ANKH: variants seen among roughly 807,000 people sequenced by gnomAD.
The protein encoded by ANKH is ANKH inorganic pyrophosphate transport regulator, also known as mineralization regulator ANKH.
In ANKH, 15 loss-of-function variants were observed where a neutral mutation model predicts 49.0. The ratio of observed to expected loss-of-function variants is 0.31; its 90% confidence interval spans 0.20 to 0.47. The LOEUF (loss-of-function observed/expected upper bound fraction) is 0.47. Among genes scored for constraint, ANKH ranks in the 20% least tolerant of loss-of-function variants. The pLI, the probability that ANKH is intolerant of heterozygous loss-of-function variation, is 1.00. For missense variants in ANKH, 429 were observed against 652.0 expected (o/e 0.66, Z 3.72); for synonymous variants, 273 against 260.0 (o/e 1.05, Z -0.48).
rs1328356886 is a variant in ANKH, at chr5:14,771,411, T to A, written c.97-2220A>T. Among the ~76,000 whole-genome samples the A allele has an allele frequency of 3.9e-5, 6 of 152,162 alleles. No individual in the cohort carries two copies. The East Asian group carries it at 1.2e-3, about 29-fold the overall frequency. On this transcript the variant is annotated intron_variant, in intron 1 of 11. Transcript: ENST00000284268. ...AGAATGCTGACACAGCTGATCTACA[T>A]AAACTGCATGCTTTTTACAAATGGT...
chr5:14,856,533 G>A (rs971243683), intron 1 of ANKH, among the ~76,000 whole-genome samples: 24 of 152,000 alleles, frequency 1.6e-4, no homozygotes, highest in African/African-American at 4.8e-4. Flanking sequence ...CCACCATGCC[G>A]TGATCAGCTT....
At chr5:14,821,437 C>T (rs931140814) in intron 1 of ANKH, among the ~76,000 whole-genome samples, 2 of 152,132 alleles carry the variant, frequency 1.3e-5, no homozygotes, top group Non-Finnish European at 2.9e-5. Context: ...TAAAATAGTT[C>T]GTATTCCAGA....
intron 1 of ANKH, among the ~76,000 whole-genome samples, chr5:14,825,232 C>T (rs1741306649): frequency 6.6e-6 from 1 of 152,226 alleles, no homozygotes; most frequent in South Asian, 2.1e-4. Flanking sequence ...TTAAGGTACG[C>T]TGGTACACAG....
At chr5:14,826,088 G>T (rs1054285498) in intron 1 of ANKH, 2 of 154,092 alleles carry the variant, frequency 1.3e-5, no homozygotes, top group Non-Finnish European at 2.9e-5. Flanking sequence ...CCAGACTAAC[G>T]CAATGTATGC....
Position 14,798,082 on chromosome 5 carries a change from C to T in ANKH, c.97-28891G>A. 3 of 1,576,206 alleles carry T rather than the reference C, an allele frequency of 1.9e-6. No homozygotes were observed. The South Asian group carries it at 3.3e-5, about 17-fold the overall frequency. On this transcript the variant is annotated intron_variant, in intron 1 of 11. Transcript: ENST00000284268. ...ATTTTTCCACTAACTGAACCAAAAC[C>T]TCCAAATTCTCCTTTCTCTCTGTCG...
At chr5:14,793,167 G>A (rs1343193325) in intron 1 of ANKH, among the ~76,000 whole-genome samples, 2 of 147,938 alleles carry the variant, frequency 1.4e-5, no homozygotes, top group African/African-American at 5.0e-5. Context: ...ATAAAAGAGA[G>A]GTGGACACTC....
Position 14,741,826 on chromosome 5 carries a change from C to A in ANKH, c.1011+1G>T, listed in dbSNP as rs1251703491. ...GAGGCAGAGAGAGCCTCTGTCCTTA[C>A]CGTGAGTGACAGAGCCATGCAGACG... On this transcript the variant is annotated splice_donor_variant, in intron 8 of 11. Coordinates refer to ENST00000284268, the MANE Select transcript of ANKH (RefSeq NM_054027.6). LOFTEE classifies it high-confidence loss of function. The A allele has an allele frequency of 6.2e-7, 1 of 1,611,864 alleles. No individual in the cohort carries two copies. Among genetic ancestry groups the A allele is most frequent in the Non-Finnish European group, 8.5e-7 (1 of 1,178,122 alleles).
chr5:14,764,457 T>A (rs757296819), intron 2 of ANKH, among the ~76,000 whole-genome samples: 25 of 152,198 alleles, frequency 1.6e-4, no homozygotes, highest in Non-Finnish European at 3.5e-4. Context: ...GCTGGCCAGA[T>A]GTTCGCCAAC....
intron 1 of ANKH, among the ~76,000 whole-genome samples, chr5:14,815,764 C>A (rs1741016788): frequency 6.6e-6 from 1 of 152,196 alleles, no homozygotes; most frequent in South Asian, 2.1e-4. Context: ...CAGACACGAC[C>A]ACAAGTGTCC....
chr5:14,728,272 A>G (rs1260083530), intron 8 of ANKH, among the ~76,000 whole-genome samples: 1 of 152,236 alleles, frequency 6.6e-6, no homozygotes, highest in Non-Finnish European at 1.5e-5. Context: ...GACTTGCCCC[A>G]GGTCACCGGC....
chr5:14,732,625 A>G (rs1473278747), intron 8 of ANKH, among the ~76,000 whole-genome samples: 2 of 152,016 alleles, frequency 1.3e-5, no homozygotes, highest in Admixed American at 1.3e-4. Flanking sequence ...GGCTGAGGAG[A>G]GCTGTCATTC....
intron 7 of ANKH, among the ~76,000 whole-genome samples, chr5:14,742,647 C>T (rs906675700): frequency 2.0e-5 from 3 of 152,260 alleles, no homozygotes; most frequent in Non-Finnish European, 2.9e-5. Flanking sequence ...GGCATCATGT[C>T]CTGTCATGCG....
chr5:14,741,954 C>T (rs1161555084), intron 7 of ANKH, 32 bp from the exon 8 acceptor site: 2 of 1,557,772 alleles, frequency 1.3e-6, no homozygotes, highest in Middle Eastern at 1.7e-4. Context: ...CATGAATGGG[C>T]CCGGCTTATC....
chr5:14,736,566 C>T (rs2126457766), intron 8 of ANKH, among the ~76,000 whole-genome samples: 1 of 152,280 alleles, frequency 6.6e-6, no homozygotes, highest in Non-Finnish European at 1.5e-5. Flanking sequence ...GTAACCCCAC[C>T]TCTGCCATTC....
At chr5:14,717,279 G>A (rs1388283876) in intron 8 of ANKH, among the ~76,000 whole-genome samples, 1 of 152,194 alleles carries the variant, frequency 6.6e-6, no homozygotes, top group Non-Finnish European at 1.5e-5. Context: ...CGCAGAATCA[G>A]CACACATAAT....
intron 1 of ANKH, among the ~76,000 whole-genome samples, chr5:14,783,468 G>A (rs1462532465): frequency 1.3e-5 from 2 of 152,114 alleles, no homozygotes; most frequent in Non-Finnish European, 2.9e-5. Context: ...TACTGTTATT[G>A]GTTTAAATTA....
chr5:14,850,659 A>G (rs987024245), intron 1 of ANKH, among the ~76,000 whole-genome samples: 4 of 151,968 alleles, frequency 2.6e-5, no homozygotes, highest in African/African-American at 9.7e-5. Flanking sequence ...GCCGTGATGC[A>G]CTCTCTCCCT....
intron 1 of ANKH, among the ~76,000 whole-genome samples, chr5:14,771,921 GA>G (rs869185652): frequency 0.12 from 6,367 of 53,422 alleles, 247 homozygotes; most frequent in Non-Finnish European, 0.15. Flanking sequence ...CTCAAAAAAA[GA>G]AAAAAAAAAA....
At chr5:14,756,754 T>A (rs1047900472) in intron 3 of ANKH, among the ~76,000 whole-genome samples, 1 of 145,722 alleles carries the variant, frequency 6.9e-6, no homozygotes, top group Non-Finnish European at 1.5e-5. Flanking sequence ...ATATTCTCTC[T>A]CCAACCAATA....
Sources: allele counts gnomAD v4.1 joint callset (sites outside exome capture counted in the v4.1 genomes callset), GRCh38; gene constraint gnomAD v4.1.1; transcripts MANE v1.5; gene names NCBI Gene and HGNC (gene_info 2026-07-23, HGNC 2026-07-21).